XPO7: variants seen among roughly 807,000 people sequenced by gnomAD.
XPO7 encodes exportin 7.
Under a neutral mutation model 144.3 loss-of-function variants are expected in XPO7, and 21 were observed. That is an observed-to-expected ratio of 0.15 (90% CI 0.10 to 0.21). The LOEUF (loss-of-function observed/expected upper bound fraction) is 0.21, where lower values mean the gene tolerates loss of function less well. Among genes scored for constraint, XPO7 ranks in the 10% least tolerant of loss-of-function variants. The pLI, the probability that XPO7 is intolerant of heterozygous loss-of-function variation, is 1.00. For synonymous variants in XPO7, 580 were observed against 499.6 expected (o/e 1.16, Z -2.15); for missense variants, 808 against 1,325.8 (o/e 0.61, Z 6.06).
intron 27 of XPO7, 69 bp downstream of exon 27, chr8:22,004,099 T>C: frequency 6.3e-7 from 1 of 1,595,304 alleles, no homozygotes; most frequent in Non-Finnish European, 8.6e-7. Flanking sequence ...AAACAGGCAG[T>C]TGCTTTAAAG....
chr8:21,985,719 C>T lies in XPO7; in HGVS notation c.1577+28C>T, dbSNP rs372260635. 1.2e-5 allele frequency: 20 copies of T among 1,600,238 alleles called. No individual in the cohort carries two copies. The African/African-American group carries it at 2.1e-4, about 17-fold the overall frequency. ...AAGTGCTCCCCACAGAAGCTCTCCA[C>T]TCTGCCTTGCTGGCACTTCTCCACT... On this transcript the variant is annotated intron_variant, in intron 13 of 27. Transcript: ENST00000252512.
rs995083554 is a variant in XPO7, at chr8:21,979,281, G to A, written c.838-803G>A. Among the ~76,000 whole-genome samples the A allele has an allele frequency of 4.6e-4, 70 of 152,146 alleles. 1 individual carries two copies. Among genetic ancestry groups the A allele is most frequent in the Middle Eastern group, 6.8e-3 (2 of 292 alleles). On this transcript the variant is annotated intron_variant, in intron 8 of 27. Transcript: ENST00000252512. ...GCTGGTCTCAAACTCCCGACCTCAG[G>A]TGATCTGCCTGTTTCAGCCTCCCAA... is the stretch of plus-strand genomic sequence containing the variant.
intron 7 of XPO7, 107 bp downstream of exon 7, chr8:21,976,628 T>C (rs986900278): frequency 7.7e-6 from 10 of 1,305,952 alleles, no homozygotes; most frequent in African/African-American, 4.5e-5. Flanking sequence ...TGAGGGAGAA[T>C]TGAGAAAAAA....
At chr8:21,962,905 T>A (rs1041664298) in intron 1 of XPO7, among the ~76,000 whole-genome samples, 2 of 152,194 alleles carry the variant, frequency 1.3e-5, no homozygotes, top group Non-Finnish European at 2.9e-5. Flanking sequence ...AATTTATATG[T>A]CAATTAACCT....
chr8:21,949,451 A>G (rs190519839), intron 1 of XPO7, among the ~76,000 whole-genome samples: 1 of 152,326 alleles, frequency 6.6e-6, no homozygotes, highest in East Asian at 1.9e-4. Context: ...TACTTCTCCC[A>G]TTATTGCCAC....
rs963507658 is a variant in XPO7, at chr8:21,984,559, T to G, written c.1278-87T>G. On this transcript the variant is annotated intron_variant, in intron 11 of 27. Transcript: ENST00000252512. ...GACCTCTACAGTCAGAAATGGTGGCTAAGTGAAGAAGTCAGAGAGCTGCTA... is the reference window on the plus strand; with the variant it reads ...GACCTCTACAGTCAGAAATGGTGGCGAAGTGAAGAAGTCAGAGAGCTGCTA... The G allele has an allele frequency of 2.4e-6, 3 of 1,258,574 alleles. No individual in the cohort carries two copies. The Admixed American group carries it at 8.0e-5, about 34-fold the overall frequency. 78.0% of individuals were successfully genotyped at this position (1,258,574 alleles called of 1,614,324 possible). A position where few individuals can be genotyped will look rare whatever the true frequency, so the allele number is the denominator to read the frequency against.
intron 6 of XPO7, among the ~76,000 whole-genome samples, chr8:21,975,898 T>C (rs1812208059): frequency 2.6e-5 from 4 of 152,292 alleles, no homozygotes; most frequent in Admixed American, 1.3e-4. Flanking sequence ...AATTCTGGTT[T>C]GAGAGATTTT....
rs1812229599 is a variant in XPO7, at chr8:21,976,534, C to G, written c.763+13C>G. The stretch of plus-strand genomic sequence containing the variant: ...AGCTGGAGATCAGGTAACAGAACTT[C>G]CTCCACCTCAAAGGCTGTCTGTCAC... On this transcript the variant is annotated intron_variant, in intron 7 of 27. Coordinates refer to ENST00000252512, the MANE Select transcript of XPO7 (RefSeq NM_015024.5). 6.2e-7 allele frequency: 1 copy of G among 1,606,096 alleles called. No homozygotes were observed. Among genetic ancestry groups the G allele is most frequent in the African/African-American group, 1.3e-5 (1 of 74,714 alleles).
chr8:21,966,747 G>A (rs1811897779), intron 1 of XPO7, 110 bp from the exon 2 acceptor site: 4 of 1,435,080 alleles, frequency 2.8e-6, no homozygotes, highest in Admixed American at 4.8e-5. Flanking sequence ...CAGTTCAGAA[G>A]CAATTCTTTC....
chr8:21,945,655 G>A (rs547529796), intron 1 of XPO7, among the ~76,000 whole-genome samples: 11 of 152,176 alleles, frequency 7.2e-5, no homozygotes, highest in African/African-American at 2.2e-4. Context: ...ATACATAGTC[G>A]GCCTTACTCA....
intron 11 of XPO7, 55 bp from the exon 12 acceptor site, chr8:21,984,591 G>T: frequency 6.7e-7 from 1 of 1,486,756 alleles, no homozygotes; most frequent in African/African-American, 1.4e-5. Flanking sequence ...GCTATATTGG[G>T]CAAATCAGTA....
At chr8:21,957,984 T>C (rs529191989) in intron 1 of XPO7, among the ~76,000 whole-genome samples, 26 of 152,030 alleles carry the variant, frequency 1.7e-4, no homozygotes, top group Admixed American at 3.3e-4. Flanking sequence ...CTATGTCTAG[T>C]TCCTAAGTGC....
intron 11 of XPO7, among the ~76,000 whole-genome samples, chr8:21,983,245 A>C (rs560491085): frequency 6.6e-6 from 1 of 152,366 alleles, no homozygotes; most frequent in Admixed American, 6.5e-5. Flanking sequence ...TAGAACACAT[A>C]AGAATTCTAA....
rs1813321415 is a variant in XPO7, at chr8:22,006,091, A to T, written c.*1003A>T. The T allele has an allele frequency of 6.6e-6, 1 of 152,220 alleles. No homozygotes were observed. Among genetic ancestry groups the T allele is most frequent in the South Asian group, 2.1e-4 (1 of 4,832 alleles). 9.4% of individuals were successfully genotyped at this position (152,220 alleles called of 1,614,324 possible). On this transcript the variant is annotated 3_prime_UTR_variant, in exon 28 of 28. Transcript: ENST00000252512. ...CCCTCGAGGCAGTGTGTGTGGATGT[A>T]TGCGTGTGGATATTTATATATGTAC...
chr8:21,991,971 A>G lies in XPO7; in HGVS notation c.2145A>G (p.Ala715=). The part of the protein sequence containing the change: ...FSTNSFNEQE[A]KRTLVGLVRD... ...CCAATAGTTTCAACGAGCAGGAGGC[A>G]AAGGTGAGTGAGTCTTTCACCCAGT... is the stretch of plus-strand genomic sequence containing the variant. Residue 715 remains alanine, a synonymous_variant, in exon 19 of 28, where the codon GCA becomes GCG. Transcript: ENST00000252512. 1.9e-6 allele frequency: 3 copies of G among 1,612,274 alleles called. No homozygotes were observed. The highest frequency in any genetic ancestry group is 2.5e-6 in the Non-Finnish European group (3 of 1,179,072).
chr8:21,991,837 G>C (rs373280247), intron 18 of XPO7, 31 bp from the exon 19 acceptor site: 9 of 1,557,138 alleles, frequency 5.8e-6, no homozygotes, highest in Non-Finnish European at 7.9e-6. Context: ...TCTTGGTATT[G>C]GGGTTACACC....
intron 1 of XPO7, among the ~76,000 whole-genome samples, chr8:21,933,392 G>C (rs746744898): frequency 6.6e-6 from 1 of 151,866 alleles, no homozygotes; most frequent in African/African-American, 2.4e-5. Flanking sequence ...GAGCCACTGC[G>C]CCCGGCCCCT....
chr8:21,954,467 C>G (rs899741617), intron 1 of XPO7, among the ~76,000 whole-genome samples: 6 of 152,070 alleles, frequency 3.9e-5, no homozygotes, highest in African/African-American at 1.4e-4. Flanking sequence ...AACCCCATCT[C>G]TACTAAAAAT....
In XPO7 at chr8:21,935,045, A is replaced by T. The variant is rs571721993; in HGVS notation, c.18+15257A>T. ...TCATAAGAAATGATAAACTAAAGTA[A>T]GGACATTTGCATTGTATGTAGGCAT... is the stretch of plus-strand genomic sequence containing the variant. On this transcript the variant is annotated intron_variant, in intron 1 of 27. Transcript: ENST00000252512. Among the ~76,000 whole-genome samples, 972 of 152,360 alleles carry T rather than the reference A, an allele frequency of 6.4e-3. 3 individuals carry two copies. The highest frequency in any genetic ancestry group is 0.017 in the Middle Eastern group (5 of 294).
Sources: allele counts gnomAD v4.1 joint callset (sites outside exome capture counted in the v4.1 genomes callset), GRCh38; gene constraint gnomAD v4.1.1; transcripts MANE v1.5; gene names NCBI Gene and HGNC (gene_info 2026-07-23, HGNC 2026-07-21).